Variants in TBC1D19 observed in about 807,000 individuals in gnomAD.
TBC1D19 encodes the protein TBC1 domain family member 19.
In TBC1D19, 60 loss-of-function variants were observed where a neutral mutation model predicts 89.0. That is an observed-to-expected ratio of 0.67 (90% CI 0.55 to 0.84). The LOEUF is 0.84. TBC1D19 is among the 40% of genes least tolerant of loss of function. The pLI, the probability that TBC1D19 is intolerant of heterozygous loss-of-function variation, is 0.00. For missense variants in TBC1D19, 500 were observed against 610.8 expected (o/e 0.82, Z 1.91); for synonymous variants, 189 against 199.7 (o/e 0.95, Z 0.45).
chr4:26,732,764 G>T (rs1717743479), intron 15 of TBC1D19, among the ~76,000 whole-genome samples: 2 of 152,178 alleles, frequency 1.3e-5, no homozygotes, highest in Non-Finnish European at 2.9e-5. Flanking sequence ...ACTGCTGCTT[G>T]CCAGTCACTC....
chr4:26,595,503 C>T (rs1740151079), intron 1 of TBC1D19, among the ~76,000 whole-genome samples: 1 of 152,104 alleles, frequency 6.6e-6, no homozygotes, highest in Admixed American at 6.6e-5. Context: ...CTAAGGTCAT[C>T]TAGATTTTCT....
chr4:26,654,404 C>A (rs569347335), intron 7 of TBC1D19, among the ~76,000 whole-genome samples: 27 of 152,222 alleles, frequency 1.8e-4, no homozygotes, highest in African/African-American at 4.6e-4. Context: ...GTATTTCCTG[C>A]ATTTGAATGT....
chr4:26,626,847 TA>T (rs1461371600), intron 4 of TBC1D19, among the ~76,000 whole-genome samples: 1 of 149,088 alleles, frequency 6.7e-6, no homozygotes, highest in African/African-American at 2.4e-5. Flanking sequence ...TTATTTATTT[TA>T]TTTTTTATTT....
chr4:26,703,212 G>T (rs945292213), intron 13 of TBC1D19, among the ~76,000 whole-genome samples: 2 of 151,978 alleles, frequency 1.3e-5, no homozygotes, highest in Non-Finnish European at 2.9e-5. Flanking sequence ...TCCTTATATG[G>T]ATAATTACTA....
At chr4:26,717,832 C>T (rs1020584209) in intron 13 of TBC1D19, 101 bp from the exon 14 acceptor site, 21 of 892,388 alleles carry the variant, frequency 2.4e-5, no homozygotes, top group African/African-American at 3.3e-5. Context: ...CCGCAAGGCA[C>T]GGTACTTGAA....
At chr4:26,681,505 C>T (rs796696179) in intron 11 of TBC1D19, among the ~76,000 whole-genome samples, 11 of 151,856 alleles carry the variant, frequency 7.2e-5, no homozygotes, top group African/African-American at 2.4e-4. Flanking sequence ...GCACCGAGAT[C>T]GTGCCACTGC....
chr4:26,808,007 G>A, the TBC1D19 span, among the ~76,000 whole-genome samples: 1 of 152,222 alleles, frequency 6.6e-6, no homozygotes, highest in Non-Finnish European at 1.5e-5. Flanking sequence ...ACAAGCCAGA[G>A]GCTGATGCCA....
the TBC1D19 span, among the ~76,000 whole-genome samples, chr4:26,785,414 G>A: frequency 5.9e-5 from 9 of 152,316 alleles, no homozygotes; most frequent in African/African-American, 2.2e-4. Flanking sequence ...TTGGCAGGAT[G>A]AAGTCCAACA....
chr4:26,705,789 C>T (rs948227354), intron 13 of TBC1D19, among the ~76,000 whole-genome samples: 1 of 151,998 alleles, frequency 6.6e-6, no homozygotes, highest in African/African-American at 2.4e-5. Context: ...TGGGGTTTCT[C>T]GTAGGGTCTT....
the TBC1D19 span, among the ~76,000 whole-genome samples, chr4:26,791,209 C>G: frequency 6.6e-6 from 1 of 152,178 alleles, no homozygotes; most frequent in African/African-American, 2.4e-5. Context: ...GAATCTCAGA[C>G]TTTTCTAGAG....
chr4:26,677,382 G>A (rs377607469), intron 11 of TBC1D19, among the ~76,000 whole-genome samples: 4 of 150,378 alleles, frequency 2.7e-5, no homozygotes, highest in Admixed American at 6.6e-5. Context: ...GCAGTGGTGC[G>A]ATCTTGGCTT....
In TBC1D19 at chr4:26,672,152, T is replaced by G; in HGVS notation, c.668T>G (p.Leu223Arg). 4 of 1,203,864 alleles carry G rather than the reference T, an allele frequency of 3.3e-6. No individual in the cohort carries two copies. Among genetic ancestry groups the G allele is most frequent in the Non-Finnish European group, 4.4e-6 (4 of 901,944 alleles). The allele number at this position is 1,203,864 out of a possible 1,614,324, so 74.6% of individuals were successfully genotyped here. The change falls in exon 10 of 21, where the codon CTT becomes CGT. Residue 223 changes from leucine (L) to arginine (R), a missense_variant. Around this residue, in one of 2 missense-constraint regions of TBC1D19, gnomAD observed 280 missense variants for 291.7 expected, o/e 0.96. Coordinates refer to ENST00000264866, the MANE Select transcript of TBC1D19 (RefSeq NM_018317.4). Reference protein sequence around the residue: ...IDDSTQVPPELFENEHVRIGQ... With the variant: ...IDDSTQVPPERFENEHVRIGQ... Reference sequence around the variant, plus strand: ...TTAATTTTTTTTTAATTTTTAGAACTTTTTGAAAATGAACATGTACGTATT... The same window carrying G: ...TTAATTTTTTTTTAATTTTTAGAACGTTTTGAAAATGAACATGTACGTATT...
intron 15 of TBC1D19, among the ~76,000 whole-genome samples, chr4:26,721,585 T>A (rs1042494747): frequency 6.6e-6 from 1 of 152,162 alleles, no homozygotes; most frequent in Non-Finnish European, 1.5e-5. Context: ...CACTGCTCAT[T>A]TGAGTTATAC....
At chr4:26,776,566 A>G in the TBC1D19 span, among the ~76,000 whole-genome samples, 1 of 152,138 alleles carries the variant, frequency 6.6e-6, no homozygotes, top group Non-Finnish European at 1.5e-5. Flanking sequence ...AATACCCACC[A>G]TCTGTACTTG....
chr4:26,666,867 T>A (rs1054377066), intron 9 of TBC1D19, among the ~76,000 whole-genome samples: 1 of 151,972 alleles, frequency 6.6e-6, no homozygotes, highest in Admixed American at 6.6e-5. Flanking sequence ...TATTAAATAC[T>A]ACACTGGTAT....
intron 12 of TBC1D19, among the ~76,000 whole-genome samples, chr4:26,685,363 AT>A (rs1300195808): frequency 1.3e-5 from 2 of 151,862 alleles, no homozygotes; most frequent in African/African-American, 4.8e-5. Flanking sequence ...AGCTGAAGAC[AT>A]TTTTTTTCCT....
At chr4:26,723,595 TGAA>T (rs1353979275) in intron 15 of TBC1D19, among the ~76,000 whole-genome samples, 1 of 152,194 alleles carries the variant, frequency 6.6e-6, no homozygotes, top group Non-Finnish European at 1.5e-5. Context: ...TCACTTCATT[TGAA>T]GAATCACCAA....
chr4:26,812,733 A>G, the TBC1D19 span, among the ~76,000 whole-genome samples: 1 of 151,658 alleles, frequency 6.6e-6, no homozygotes, highest in Non-Finnish European at 1.5e-5. This position sits in a 1 kb window ranked among gnomAD's most constrained non-coding sequence, Gnocchi z 4.2. Flanking sequence ...TATAAGGTAA[A>G]TTACCCATTT....
At chr4:26,677,091 T>C (rs1712884451) in intron 11 of TBC1D19, among the ~76,000 whole-genome samples, 1 of 152,200 alleles carries the variant, frequency 6.6e-6, no homozygotes, top group South Asian at 2.1e-4. Flanking sequence ...CCTTTTTCAG[T>C]ACCACTGTCC....
Sources: allele counts gnomAD v4.1 joint callset (sites outside exome capture counted in the v4.1 genomes callset), GRCh38; gene constraint gnomAD v4.1.1; regional missense constraint gnomAD v4.1.1; non-coding constraint Gnocchi (gnomAD v3.1); transcripts MANE v1.5; gene names NCBI Gene and HGNC (gene_info 2026-07-23, HGNC 2026-07-21).